CDH13: variants seen among roughly 807,000 people sequenced by gnomAD.
CDH13 encodes cadherin 13, also known as cadherin-13.
Under a neutral mutation model 63.8 loss-of-function variants are expected in CDH13, and 24 were observed. The ratio of observed to expected loss-of-function variants is 0.38; its 90% CI spans 0.27 to 0.53. The LOEUF (loss-of-function observed/expected upper bound fraction) is 0.53, where lower values mean the gene tolerates loss of function less well. Ranked by LOEUF, CDH13 falls within the 20% of genes least tolerant of loss-of-function variation. CDH13 has a pLI of 0.85. For missense variants in CDH13, 1,049 were observed against 903.1 expected (o/e 1.16, Z -2.07); for synonymous variants, 503 against 355.3 (o/e 1.42, Z -4.67).
intron 1 of CDH13, among the ~76,000 whole-genome samples, chr16:82,720,613 C>G (rs996248676): frequency 1.3e-5 from 2 of 151,976 alleles, no homozygotes; most frequent in Non-Finnish European, 2.9e-5. Flanking sequence ...CCGGGGAAAA[C>G]CCACACAAAC....
chr16:83,379,938 T>TATATATATATAGAGAG, intron 6 of CDH13, among the ~76,000 whole-genome samples: 99 of 123,442 alleles, frequency 8.0e-4, no homozygotes, highest in Non-Finnish European at 1.0e-3. Flanking sequence ...TATATATATA[T>TATATATATATAGAGAG]AGAGAGAGAG....
chr16:82,846,182 T>G (rs1241141257), intron 1 of CDH13, among the ~76,000 whole-genome samples: 2 of 152,240 alleles, frequency 1.3e-5, no homozygotes, highest in African/African-American at 4.8e-5. Context: ...GCCTTTGTTC[T>G]TAGAGGTTGT....
intron 5 of CDH13, among the ~76,000 whole-genome samples, chr16:83,260,128 A>ACACACC: frequency 6.7e-6 from 1 of 150,226 alleles, no homozygotes; most frequent in African/African-American, 2.5e-5. Context: ...ACACACACAC[A>ACACACC]CACACACACA....
At chr16:83,637,029 C>T (rs1422776819) in intron 8 of CDH13, among the ~76,000 whole-genome samples, 4 of 152,054 alleles carry the variant, frequency 2.6e-5, no homozygotes, top group Non-Finnish European at 5.9e-5. Flanking sequence ...AGCATTTTTT[C>T]ATTTGTGAAT....
chr16:83,577,172 G>A lies in CDH13; in HGVS notation c.961-25282G>A, dbSNP rs182168305. On this transcript the variant is annotated intron_variant, in intron 7 of 13. Coordinates refer to ENST00000567109, the MANE Select transcript of CDH13 (RefSeq NM_001257.5). Reference sequence around the variant, plus strand: ...TCCAAGCATCAGGTCACATGGTGCCGTCATAGCTGCAGACTCACTTGTGAA... The same window carrying A: ...TCCAAGCATCAGGTCACATGGTGCCATCATAGCTGCAGACTCACTTGTGAA... Among the ~76,000 whole-genome samples, 243 of 152,266 alleles carry A rather than the reference G, an allele frequency of 1.6e-3. 1 individual carries two copies. The highest frequency in any genetic ancestry group is 1.8e-3 in the Non-Finnish European group (122 of 68,026).
At chr16:82,642,807 C>T (rs1485089135) in intron 1 of CDH13, among the ~76,000 whole-genome samples, 1 of 152,146 alleles carries the variant, frequency 6.6e-6, no homozygotes, top group Non-Finnish European at 1.5e-5. Context: ...CACATGTAAT[C>T]CTCATAGTGA....
intron 6 of CDH13, among the ~76,000 whole-genome samples, chr16:83,352,334 C>G (rs1162662347): frequency 6.6e-6 from 1 of 152,100 alleles, no homozygotes; most frequent in Non-Finnish European, 1.5e-5. Context: ...CCTAGTCGTT[C>G]AAGAGGAAAG....
At chr16:83,400,898 C>G (rs535195514) in intron 6 of CDH13, among the ~76,000 whole-genome samples, 1 of 152,256 alleles carries the variant, frequency 6.6e-6, no homozygotes, top group South Asian at 2.1e-4. Flanking sequence ...ATTGCTCCTA[C>G]TAATGATAGA....
intron 5 of CDH13, among the ~76,000 whole-genome samples, chr16:83,274,113 C>T (rs557550961): frequency 3.3e-5 from 5 of 152,252 alleles, no homozygotes; most frequent in East Asian, 3.9e-4. Context: ...CAGGCCAGGC[C>T]GTCTCCTCCA....
intron 1 of CDH13, among the ~76,000 whole-genome samples, chr16:82,841,491 C>G (rs1192920409): frequency 6.6e-6 from 1 of 152,192 alleles, no homozygotes; most frequent in Non-Finnish European, 1.5e-5. Flanking sequence ...GCAGGATTAT[C>G]TCTGATCATT....
intron 2 of CDH13, among the ~76,000 whole-genome samples, chr16:83,026,746 C>G (rs1339698929): frequency 6.6e-6 from 1 of 152,156 alleles, no homozygotes; most frequent in Non-Finnish European, 1.5e-5. Flanking sequence ...ACTCAGGGAC[C>G]ACTCAATAAA....
chr16:83,281,007 A>G (rs1194774649), intron 5 of CDH13, among the ~76,000 whole-genome samples: 3 of 152,240 alleles, frequency 2.0e-5, no homozygotes, highest in Non-Finnish European at 2.9e-5. Context: ...AGAATGGCCA[A>G]TAAGCATTTG....
At chr16:83,502,611 A>T (rs967692645) in intron 7 of CDH13, among the ~76,000 whole-genome samples, 1 of 152,226 alleles carries the variant, frequency 6.6e-6, no homozygotes, top group African/African-American at 2.4e-5. Context: ...ATGACGTGTT[A>T]AATACAGTAG....
intron 3 of CDH13, among the ~76,000 whole-genome samples, chr16:83,073,011 T>G (rs1395006785): frequency 1.3e-5 from 2 of 152,218 alleles, no homozygotes; most frequent in African/African-American, 4.8e-5. Context: ...GAAACACTTT[T>G]CAAATGGTAA....
chr16:83,107,072 A>C (rs17194176), intron 3 of CDH13, among the ~76,000 whole-genome samples: 14,122 of 152,172 alleles, frequency 0.093, 729 homozygotes, highest in African/African-American at 0.13. Context: ...GAGCAAACCA[A>C]AGCAGTTGGG....
chr16:83,682,865 A>G (rs771911529), intron 10 of CDH13, among the ~76,000 whole-genome samples: 5 of 152,106 alleles, frequency 3.3e-5, no homozygotes, highest in Non-Finnish European at 7.4e-5. Context: ...GCCCATCCTA[A>G]TGGCCACTGT....
chr16:82,873,350 C>T (rs1027750046), intron 2 of CDH13, among the ~76,000 whole-genome samples: 1 of 152,180 alleles, frequency 6.6e-6, no homozygotes, highest in Non-Finnish European at 1.5e-5. Context: ...CAAGATCTCA[C>T]TAAAAAGTGT....
chr16:82,997,878 C>T (rs921205680), intron 2 of CDH13, among the ~76,000 whole-genome samples: 3 of 152,174 alleles, frequency 2.0e-5, no homozygotes, highest in African/African-American at 7.2e-5. Flanking sequence ...ATCAGGCCAA[C>T]AATATCAGCT....
intron 6 of CDH13, among the ~76,000 whole-genome samples, chr16:83,421,503 G>A (rs555412851): frequency 1.1e-4 from 17 of 152,194 alleles, no homozygotes; most frequent in Admixed American, 3.3e-4. Flanking sequence ...CAAGACGGCT[G>A]ATGCAACTCT....
Sources: gnomAD v4.1 joint callset for allele counts (sites outside exome capture counted in the v4.1 genomes callset) on GRCh38, gnomAD v4.1.1 for gene constraint, MANE v1.5 for transcripts, NCBI Gene and HGNC (gene_info 2026-07-23, HGNC 2026-07-21) for gene names.